TCF7L1: variants seen among roughly 807,000 people sequenced by gnomAD.
TCF7L1 encodes transcription factor 7-like 1.
A neutral mutation model predicts 63.7 loss-of-function variants in TCF7L1; 18 were observed. The ratio of observed to expected loss-of-function variants is 0.28; its 90% CI spans 0.20 to 0.42. The LOEUF (loss-of-function observed/expected upper bound fraction) is 0.42, where lower values mean the gene tolerates loss of function less well. TCF7L1 is among the 10% of genes least tolerant of loss of function. The pLI is 1.00. For synonymous variants in TCF7L1, 355 were observed against 340.9 expected, an observed-to-expected ratio of 1.04 and a Z score of -0.46; for missense variants, 654 against 779.3, an observed-to-expected ratio of 0.84 and a Z score of 1.91.
In TCF7L1 at chr2:85,134,375, C is replaced by A; in HGVS notation, c.366C>A (p.Tyr122Ter). 1 of 1,579,166 alleles carries A rather than the reference C, an allele frequency of 6.3e-7. No individual in the cohort carries two copies. Among genetic ancestry groups the A allele is most frequent in the East Asian group, 2.3e-5 (1 of 42,798 alleles). Residue 122 changes from tyrosine (Y) to a stop codon, truncating the protein, a stop_gained, in exon 3 of 12, where the codon TAC (tyrosine) becomes TAA (stop). Coordinates refer to ENST00000282111, the MANE Select transcript of TCF7L1 (RefSeq NM_031283.3). LOFTEE classifies it high-confidence loss of function. The surrounding 1 kb of genome is among the most constrained non-coding windows in gnomAD (Gnocchi z 5.0). The stretch of plus-strand genomic sequence containing the variant: ...TTAAAGGACCCCCGTACCCTGGGTA[C>A]CCCTTCCTGATGATCCCGGACCTGA... Reference protein sequence around the residue: ...AFFKGPPYPGYPFLMIPDLSS... With the variant: ...AFFKGPPYPG
chr2:85,205,121 G>A (rs370342537), intron 3 of TCF7L1: 1 of 151,988 alleles, frequency 6.6e-6, no homozygotes, highest in African/African-American at 2.4e-5. Flanking sequence ...AATTTTTTCT[G>A]GTTAGAATTT....
At chr2:85,232,537 C>T (rs183868034) in intron 3 of TCF7L1, among the ~76,000 whole-genome samples, 101 of 152,250 alleles carry the variant, frequency 6.6e-4, no homozygotes, top group African/African-American at 2.3e-3. Context: ...TCTGTGAGGT[C>T]TTGTTGACCC....
intron 3 of TCF7L1, among the ~76,000 whole-genome samples, chr2:85,156,615 A>G (rs558209877): frequency 1.5e-3 from 236 of 152,346 alleles, no homozygotes; most frequent in African/African-American, 5.5e-3. Context: ...AGATGTAAAG[A>G]AGCTCAAAAG....
Position 85,133,887 on chromosome 2 carries a change from C to T in TCF7L1, c.203C>T (p.Ser68Phe), listed in dbSNP as rs752266626. 2.0e-6 allele frequency: 3 copies of T among 1,521,268 alleles called. No homozygotes were observed. In the South Asian group the frequency reaches 3.8e-5, roughly 19 times the overall value. 94.2% of individuals were successfully genotyped at this position (1,521,268 alleles called of 1,614,324 possible). A position where few individuals can be genotyped will look rare whatever the true frequency, so the allele number is the denominator to read the frequency against. The change falls in exon 1 of 12, where the codon TCC (serine) becomes TTC (phenylalanine). Residue 68 changes from serine (S) to phenylalanine (F), a missense_variant. Ser to Phe is a radical substitution (Grantham distance 155). Transcript: ENST00000282111. This position sits in a 1 kb window ranked among gnomAD's most constrained non-coding sequence, Gnocchi z 4.4. ...CGGGACCTAGACGAGGTCAAGTCGT[C>T]CCTGGTCAACGAGTCGGAGAACCAG... ...AQRDLDEVKS[S>F]LVNESENQSS...
intron 3 of TCF7L1, among the ~76,000 whole-genome samples, chr2:85,152,435 C>CTTT (rs67994195): frequency 0.04 from 5,304 of 131,114 alleles, 247 homozygotes; most frequent in Non-Finnish European, 0.053. Flanking sequence ...TTCTCTCTCT[C>CTTT]TCTTTTTTTT....
rs1282229094 is a variant in TCF7L1, at chr2:85,302,561, C to T, written c.603C>T (p.His201=). The T allele has an allele frequency of 1.9e-6, 3 of 1,614,078 alleles. No individual in the cohort carries two copies. The African/African-American group carries it at 4.0e-5, about 22-fold the overall frequency. The change falls in exon 5 of 12, where the codon CAC becomes CAT. Residue 201 remains histidine (H), a synonymous_variant. Transcript: ENST00000282111. ...CCCTCATCACCTACAGCAATGACCA[C>T]TTCTCCCCCGGCTCCCCTCCCACCC... is the stretch of plus-strand genomic sequence containing the variant. ...LTPLITYSND[H]FSPGSPPTHL... is the part of the protein sequence containing the mutation.
chr2:85,257,783 GC>G lies in TCF7L1; in HGVS notation c.442-25708del, dbSNP rs1237125424. ...ACACACTGCTGCCCACGTGGGGACT[GC>G]CCCGGAATCAGGACCCTGGATTTCT... is the stretch of plus-strand genomic sequence containing the variant. On this transcript the variant is annotated intron_variant, in intron 3 of 11. Transcript: ENST00000282111. Among the ~76,000 whole-genome samples, 13 of 152,294 alleles carry G rather than the reference GC, an allele frequency of 8.5e-5. No homozygotes were observed. The East Asian group carries it at 2.3e-3, about 27-fold the overall frequency.
chr2:85,260,244 C>T (rs1216412363), intron 3 of TCF7L1, among the ~76,000 whole-genome samples: 1 of 152,040 alleles, frequency 6.6e-6, no homozygotes, highest in Non-Finnish European at 1.5e-5. Context: ...TTCTGGGTGC[C>T]CTTCTCTATT....
chr2:85,188,916 T>C (rs1421541890), intron 3 of TCF7L1, among the ~76,000 whole-genome samples: 2 of 152,232 alleles, frequency 1.3e-5, no homozygotes, highest in Non-Finnish European at 1.5e-5. Context: ...TATGACAAGC[T>C]AATTTAATTT....
At chr2:85,243,935 C>T (rs115370198) in intron 3 of TCF7L1, among the ~76,000 whole-genome samples, 1,669 of 152,266 alleles carry the variant, frequency 0.011, 38 homozygotes, top group African/African-American at 0.038. Context: ...AGGGAAAGAA[C>T]GAACAGGCAA....
At chr2:85,305,485 T>C (rs750556703) in intron 8 of TCF7L1, 82 bp downstream of exon 8, 5 of 1,480,092 alleles carry the variant, frequency 3.4e-6, no homozygotes, top group Non-Finnish European at 4.5e-6. Context: ...GCAAATGTCA[T>C]GTACTCTTCT....
chr2:85,276,723 A>G (rs544860872), intron 3 of TCF7L1, among the ~76,000 whole-genome samples: 1 of 152,254 alleles, frequency 6.6e-6, no homozygotes, highest in Admixed American at 6.5e-5. Context: ...TTAATACAGC[A>G]TGGGACAGGG....
chr2:85,173,117 A>G (rs554865457), intron 3 of TCF7L1, among the ~76,000 whole-genome samples: 1 of 152,380 alleles, frequency 6.6e-6, no homozygotes, highest in Non-Finnish European at 1.5e-5. Flanking sequence ...TCCTGAGAAA[A>G]GTTAAACTTG....
rs539565505 is a variant in TCF7L1, at chr2:85,298,365, C to T, written c.526-4119C>T. 1.8e-4 allele frequency among the ~76,000 whole-genome samples: 27 copies of T among 149,878 alleles called. No homozygotes were observed. The South Asian group carries it at 4.2e-3, about 23-fold the overall frequency. On this transcript the variant is annotated intron_variant, in intron 4 of 11. Coordinates refer to ENST00000282111, the MANE Select transcript of TCF7L1 (RefSeq NM_031283.3). ...AATTAGCTGGGCATGGTGGCGGGTG[C>T]ACGTAGTCCCAGCTACTCGGGAGGC...
chr2:85,289,150 C>T (rs909721247), intron 4 of TCF7L1, among the ~76,000 whole-genome samples: 2 of 149,438 alleles, frequency 1.3e-5, no homozygotes, highest in Non-Finnish European at 3.0e-5. Flanking sequence ...TGGGAAAATG[C>T]CAGAAAGCAC....
At chr2:85,287,776 T>A (rs1573027050) in intron 4 of TCF7L1, among the ~76,000 whole-genome samples, 1 of 151,828 alleles carries the variant, frequency 6.6e-6, no homozygotes, top group East Asian at 1.9e-4. Flanking sequence ...CAACGAGAGG[T>A]GTGTACGTGC....
At chr2:85,166,651 G>T (rs1462374903) in intron 3 of TCF7L1, among the ~76,000 whole-genome samples, 1 of 152,170 alleles carries the variant, frequency 6.6e-6, no homozygotes, top group Non-Finnish European at 1.5e-5. Flanking sequence ...GCTTCCTACA[G>T]CCTATAATGT....
At chr2:85,252,427 T>C (rs1255055730) in intron 3 of TCF7L1, among the ~76,000 whole-genome samples, 1 of 152,178 alleles carries the variant, frequency 6.6e-6, no homozygotes, top group African/African-American at 2.4e-5. Context: ...CAATTCCACA[T>C]GAGCATTTGC....
chr2:85,225,572 T>C (rs1282046733), intron 3 of TCF7L1, among the ~76,000 whole-genome samples: 1 of 152,234 alleles, frequency 6.6e-6, no homozygotes, highest in African/African-American at 2.4e-5. Flanking sequence ...GATTTGGCTC[T>C]CTGTTTGTCT....
Sources: allele counts gnomAD v4.1 joint callset (sites outside exome capture counted in the v4.1 genomes callset), GRCh38; gene constraint gnomAD v4.1.1; non-coding constraint Gnocchi (gnomAD v3.1); transcripts MANE v1.5; gene names NCBI Gene and HGNC (gene_info 2026-07-23, HGNC 2026-07-21).